The following DPH6 variants were observed in gnomAD, a reference collection of about 807,000 sequenced individuals.
The protein encoded by DPH6 is diphthamine biosynthesis 6, also known as diphthine--ammonia ligase.
Under a neutral mutation model 38.2 loss-of-function variants are expected in DPH6, and 33 were observed. That is an observed-to-expected ratio of 0.86 (90% CI 0.65 to 1.15). The LOEUF is 1.15. DPH6 is among the 50% of genes most tolerant of loss of function. The probability of loss-of-function intolerance (pLI) is 0.00; values close to 1 mark genes in which losing one functional copy is unlikely to be tolerated. For synonymous variants in DPH6, 108 were observed against 103.0 expected (o/e 1.05, Z -0.30); for missense variants, 325 against 320.0 (o/e 1.02, Z -0.12).
intron 3 of DPH6, among the ~76,000 whole-genome samples, chr15:35,532,975 C>T (rs978156569): frequency 1.3e-5 from 2 of 151,772 alleles, no homozygotes; most frequent in Non-Finnish European, 2.9e-5. Flanking sequence ...GGTGTGATTG[C>T]GGGCAACTGT....
chr15:35,520,840 C>CT, intron 3 of DPH6: 1 of 984,894 alleles, frequency 1.0e-6, no homozygotes, highest in Non-Finnish European at 1.2e-6. Context: ...ATACAGGTAC[C>CT]ATAATAAAAC....
At chr15:35,224,919 A>T (rs974914891) in intron 3 of DPH6, among the ~76,000 whole-genome samples, 2 of 152,246 alleles carry the variant, frequency 1.3e-5, no homozygotes, top group African/African-American at 2.4e-5. Context: ...ACCGTGGTAT[A>T]CTTGTCAAGA....
At chr15:35,149,430 G>T in the DPH6 span, among the ~76,000 whole-genome samples, 1 of 152,222 alleles carries the variant, frequency 6.6e-6, no homozygotes, top group East Asian at 1.9e-4. Context: ...GTAGAGACGG[G>T]GTTTCACCAT....
intron 3 of DPH6, chr15:35,519,039 C>T (rs1160766393): frequency 6.6e-6 from 1 of 151,866 alleles, no homozygotes; most frequent in Non-Finnish European, 1.5e-5. Context: ...GCAAAATAAA[C>T]TTAATCCATA....
chr15:35,187,188 C>G, the DPH6 span, among the ~76,000 whole-genome samples: 95 of 152,262 alleles, frequency 6.2e-4, no homozygotes, highest in African/African-American at 2.0e-3. Flanking sequence ...ATATCAGTTT[C>G]CCAGAATATA....
In DPH6 at chr15:35,477,020, T is replaced by C. The variant is rs957054756; in HGVS notation, c.313-22200A>G. Reference sequence around the variant, plus strand: ...CAAATACATTTGCAAATTATGACAATAGACATTTAGCAGTAGCATACTTTA... The same window carrying C: ...CAAATACATTTGCAAATTATGACAACAGACATTTAGCAGTAGCATACTTTA... On this transcript the variant is annotated intron_variant, in intron 3 of 8. Coordinates refer to ENST00000256538, the MANE Select transcript of DPH6 (RefSeq NM_080650.4). 1.1e-4 allele frequency among the ~76,000 whole-genome samples: 17 copies of C among 151,850 alleles called. No individual in the cohort carries two copies. The East Asian group carries it at 2.5e-3, about 22-fold the overall frequency.
chr15:35,542,965 T>TATATATATATATATAA (rs58422347), intron 1 of DPH6, among the ~76,000 whole-genome samples: 1,229 of 76,134 alleles, frequency 0.016, 119 homozygotes, highest in South Asian at 0.031. Flanking sequence ...TATATATATA[T>TATATATATATATATAA]AAAATAATTT....
At chr15:35,512,422 C>G (rs1595432326) in intron 3 of DPH6, among the ~76,000 whole-genome samples, 2 of 152,090 alleles carry the variant, frequency 1.3e-5, no homozygotes, top group Admixed American at 1.3e-4. Context: ...ATGTCTATAC[C>G]TATATCTGTG....
downstream of DPH6, among the ~76,000 whole-genome samples, chr15:35,327,819 G>T (rs8029270): frequency 6.6e-6 from 1 of 151,934 alleles, no homozygotes; most frequent in Non-Finnish European, 1.5e-5. Flanking sequence ...TAGATAAATA[G>T]AGTATTTTGA....
chr15:35,354,965 G>C (rs1014452009), intron 3 of DPH6, among the ~76,000 whole-genome samples: 1 of 152,094 alleles, frequency 6.6e-6, no homozygotes. Context: ...GAATCTGGGT[G>C]CTCCTGTATT....
intron 3 of DPH6, among the ~76,000 whole-genome samples, chr15:35,473,198 G>T (rs1338935423): frequency 1.3e-5 from 2 of 151,994 alleles, no homozygotes; most frequent in South Asian, 2.1e-4. Context: ...AAATGCTATG[G>T]ATATTATTCA....
At chr15:35,225,748 C>T (rs1484451226) in intron 3 of DPH6, among the ~76,000 whole-genome samples, 2 of 152,126 alleles carry the variant, frequency 1.3e-5, no homozygotes, top group African/African-American at 4.8e-5. Context: ...TGTGTTACCA[C>T]AATGATTTAC....
intron 3 of DPH6, among the ~76,000 whole-genome samples, chr15:35,480,246 C>G (rs965804917): frequency 6.6e-6 from 1 of 152,026 alleles, no homozygotes; most frequent in African/African-American, 2.4e-5. Flanking sequence ...AAAATTCTAA[C>G]ATTAGGTAGA....
At chr15:35,366,953 A>G (rs1298662047), downstream of DPH6, among the ~76,000 whole-genome samples, 1 of 151,948 alleles carries the variant, frequency 6.6e-6, no homozygotes, top group African/African-American at 2.4e-5. Context: ...TACATGCTGG[A>G]TTGAAGAGAA....
chr15:35,150,865 C>A, the DPH6 span, among the ~76,000 whole-genome samples: 1 of 152,002 alleles, frequency 6.6e-6, no homozygotes, highest in African/African-American at 2.4e-5. Context: ...CGTTAATAAT[C>A]GAAATAAAAA....
intron 3 of DPH6, among the ~76,000 whole-genome samples, chr15:35,289,039 G>A (rs1292552217): frequency 6.6e-6 from 1 of 152,172 alleles, no homozygotes; most frequent in Non-Finnish European, 1.5e-5. Context: ...TTTACCGACT[G>A]TTGGATACCT....
At chr15:35,170,557 C>G in the DPH6 span, among the ~76,000 whole-genome samples, 6 of 152,208 alleles carry the variant, frequency 3.9e-5, no homozygotes, top group African/African-American at 1.2e-4. Flanking sequence ...ATTCGTGGTA[C>G]TAAGTACCTA....
At position 35,470,072 on chromosome 15, in the gene DPH6, C is replaced by T. The variant is rs7176997; in HGVS notation, c.313-15252G>A. ...AATTAGCCGGGCATGGTGGTGTGTG[C>T]CTGTAATCCCCGCTACTCAGGAGGC... On this transcript the variant is annotated intron_variant, in intron 3 of 8. Coordinates refer to ENST00000256538, the MANE Select transcript of DPH6 (RefSeq NM_080650.4). Among the ~76,000 whole-genome samples the T allele has an allele frequency of 2.6e-3, 398 of 152,140 alleles. 5 individuals carry two copies. The highest frequency in any genetic ancestry group is 9.3e-3 in the African/African-American group (385 of 41,516).
the DPH6 span, among the ~76,000 whole-genome samples, chr15:35,193,315 G>A: frequency 3.3e-5 from 5 of 151,690 alleles, no homozygotes; most frequent in Admixed American, 6.6e-5. Context: ...AAAAAGAATG[G>A]GAGTTTTTCA....
Sources: allele counts gnomAD v4.1 joint callset (sites outside exome capture counted in the v4.1 genomes callset), GRCh38; gene constraint gnomAD v4.1.1; transcripts MANE v1.5; gene names NCBI Gene and HGNC (gene_info 2026-07-23, HGNC 2026-07-21).